ERICH1: variants seen among roughly 807,000 people sequenced by gnomAD.
ERICH1 encodes glutamate-rich protein 1.
A neutral mutation model predicts 39.6 loss-of-function variants in ERICH1; 56 were observed. The ratio of observed to expected loss-of-function variants is 1.41; its 90% CI spans 1.14 to 1.77. The LOEUF is 1.77. Ranked by LOEUF, ERICH1 falls within the 40% of genes most tolerant of loss-of-function variation. The pLI is 0.00. For synonymous variants in ERICH1, 313 were observed against 223.6 expected (o/e 1.40, Z -3.57); for missense variants, 826 against 575.4 (o/e 1.44, Z -4.45).
In ERICH1 at chr8:648,205, G is replaced by T. The variant is rs540424824; in HGVS notation, c.976+20393C>A. ...AATGCGTCCCCTCCCCAGAATGTCA[G>T]CCCCTTCACAGTGGGCTTCCCAGCA... On this transcript the variant is annotated intron_variant, in intron 3 of 3. Transcript: ENST00000522706. Among the ~76,000 whole-genome samples, 2 of 67,226 alleles carry T rather than the reference G, an allele frequency of 3.0e-5. 1 individual carries two copies. The highest frequency in any genetic ancestry group is 6.0e-4 in the East Asian group (2 of 3,320). 44.1% of individuals were successfully genotyped at this position (67,226 alleles called of 152,430 possible). A position where few individuals can be genotyped will look rare whatever the true frequency, so the allele number is the denominator to read the frequency against.
In ERICH1 at chr8:694,460, G is replaced by A. The variant is rs532741156; in HGVS notation, c.170-1848C>T. 1.1e-4 allele frequency among the ~76,000 whole-genome samples: 17 copies of A among 152,314 alleles called. 1 individual carries two copies. The highest frequency in any genetic ancestry group is 3.4e-3 in the Middle Eastern group (1 of 294). On this transcript the variant is annotated intron_variant, in intron 2 of 5. Transcript: ENST00000262109. ...TTCACTTAATCATTAGGATGGACAC[G>A]GGAGGGATCAGGGAACACTCAATGA...
intron 3 of ERICH1, among the ~76,000 whole-genome samples, chr8:682,957 C>G (rs1020480114): frequency 1.2e-4 from 19 of 152,344 alleles, no homozygotes; most frequent in African/African-American, 4.6e-4. Flanking sequence ...TCAAGTTGAT[C>G]TAAACCCTAC....
At chr8:617,210 T>G (rs908358702) in intron 3 of ERICH1, among the ~76,000 whole-genome samples, 1 of 152,104 alleles carries the variant, frequency 6.6e-6, no homozygotes, top group Non-Finnish European at 1.5e-5. Context: ...CACTGACGCC[T>G]TCATGAAGGG....
rs372780070 is a variant in ERICH1 at position 631,859 on chromosome 8, G to A, written c.977-16575C>T. Among the ~76,000 whole-genome samples, 287 of 151,992 alleles carry A rather than the reference G, an allele frequency of 1.9e-3. 2 individuals are homozygous for A. Among genetic ancestry groups the A allele is most frequent in the Middle Eastern group, 6.8e-3 (2 of 294 alleles). On this transcript the variant is annotated intron_variant, in intron 3 of 3. Transcript: ENST00000522706. ...TTGCAGGTGCCGCCCCCCGACCCCC[G>A]CCCCAGGCCTTTGCTCAGTCAATGC...
rs148179237 is a variant in ERICH1 at position 639,538 on chromosome 8, G to A, written c.977-24254C>T. ...AGCCACCAATCCAGTTAGCAGACAC[G>A]ACCGAGAACCCTGGATTCAGAAGCA... On this transcript the variant is annotated intron_variant, in intron 3 of 3. Coordinates refer to the ERICH1 transcript ENST00000522706. 9.5e-4 allele frequency among the ~76,000 whole-genome samples: 144 copies of A among 152,144 alleles called. 1 individual carries two copies. The highest frequency in any genetic ancestry group is 2.0e-3 in the African/African-American group (85 of 41,506).
chr8:704,123 C>A (rs988036748), intron 2 of ERICH1, among the ~76,000 whole-genome samples: 1 of 152,176 alleles, frequency 6.6e-6, no homozygotes, highest in Non-Finnish European at 1.5e-5. Flanking sequence ...GAATCCTACA[C>A]CCCGAAAAAC....
At chr8:618,041 G>A (rs2117009150) in intron 3 of ERICH1, among the ~76,000 whole-genome samples, 1 of 149,968 alleles carries the variant, frequency 6.7e-6, no homozygotes, top group Middle Eastern at 3.6e-3. Context: ...TGCCATATGA[G>A]TGCTCAATGC....
chr8:630,359 C>T (rs1299244998), intron 3 of ERICH1, among the ~76,000 whole-genome samples: 2 of 139,978 alleles, frequency 1.4e-5, no homozygotes, highest in African/African-American at 5.4e-5. Context: ...ATGGACAGAG[C>T]TGACTCACAC....
At chr8:651,818 T>C (rs1033332559) in intron 3 of ERICH1, among the ~76,000 whole-genome samples, 2 of 152,116 alleles carry the variant, frequency 1.3e-5, no homozygotes, top group Non-Finnish European at 2.9e-5. Context: ...CATTGTCAAC[T>C]CTACTCGGAA....
intron 1 of ERICH1, among the ~76,000 whole-genome samples, chr8:726,308 G>A (rs56948427): frequency 0.14 from 20,871 of 151,774 alleles, 1,930 homozygotes; most frequent in East Asian, 0.47. Flanking sequence ...GTACAAACAC[G>A]CCACACGCAG....
intron 5 of ERICH1, 169 bp downstream of exon 5, chr8:668,429 G>T (rs1371075876): frequency 3.1e-6 from 2 of 643,086 alleles, no homozygotes; most frequent in Admixed American, 5.7e-5. Context: ...TTTATATCAA[G>T]CAGAGATGCA....
chr8:622,259 G>T (rs2117038868), intron 3 of ERICH1, among the ~76,000 whole-genome samples: 2 of 152,216 alleles, frequency 1.3e-5, no homozygotes, highest in South Asian at 4.2e-4. Flanking sequence ...CCTTGCTATG[G>T]TCTGAATGTT....
At chr8:658,271 G>A (rs2131723617) in intron 3 of ERICH1, among the ~76,000 whole-genome samples, 1 of 152,272 alleles carries the variant, frequency 6.6e-6, no homozygotes, top group Middle Eastern at 3.4e-3. Flanking sequence ...CCAGGTGACT[G>A]GGGAGAGAGG....
intron 3 of ERICH1, among the ~76,000 whole-genome samples, chr8:629,324 C>T (rs946768888): frequency 3.3e-5 from 5 of 151,894 alleles, no homozygotes; most frequent in African/African-American, 9.7e-5. Context: ...CCCACAGAGA[C>T]AGAGCTGACT....
chr8:616,579 G>C (rs551217750), intron 3 of ERICH1: 3 of 455,922 alleles, frequency 6.6e-6, no homozygotes, highest in African/African-American at 4.0e-5. Flanking sequence ...GATCAAGTCA[G>C]GGCTGGAGAG....
intron 3 of ERICH1, among the ~76,000 whole-genome samples, chr8:635,375 G>C (rs1490850272): frequency 6.6e-6 from 1 of 152,212 alleles, no homozygotes; most frequent in African/African-American, 2.4e-5. Flanking sequence ...GGACCAGCCT[G>C]AGCTTCCCTC....
At position 673,942 on chromosome 8, in the gene ERICH1, T is replaced by C. The variant is rs776794558; in HGVS notation, c.410A>G (p.Glu137Gly). 2 of 1,611,976 alleles carry C rather than the reference T, an allele frequency of 1.2e-6. No homozygotes were observed. The highest frequency in any genetic ancestry group is 3.3e-5 in the Admixed American group (2 of 59,798). Reference protein sequence around the residue: ...NNVLIEQAELEKQQSLLQEKS... With the variant: ...NNVLIEQAELGKQQSLLQEKS... ...CTCCTGTAACAGACTCTGCTGTTTC[T>C]CTAATTCTGCTTGTTCTATAAGAAC... The change falls in exon 4 of 6, where the codon GAG (glutamate) becomes GGG (glycine). Residue 137 changes from glutamate to glycine, a missense_variant. Glu to Gly is a moderately conservative substitution (Grantham distance 98). Transcript: ENST00000262109.
At position 708,681 on chromosome 8, in the gene ERICH1, G is replaced by GTTTTTTTTTTTTTTTTTT. The variant is rs139731216; in HGVS notation, c.169+7162_169+7179dup. ...GGGCTGAGTGGTTACGGGATAATGA[G>GTTTTTTTTTTTTTTTTTT]TTTTTTTTTTTTTTTTTTTTTTTTT... On this transcript the variant is annotated intron_variant, in intron 2 of 5. Transcript: ENST00000262109. Among the ~76,000 whole-genome samples the GTTTTTTTTTTTTTTTTTT allele has an allele frequency of 1.2e-4, 8 of 65,768 alleles. 1 individual carries two copies. Among genetic ancestry groups the GTTTTTTTTTTTTTTTTTT allele is most frequent in the Admixed American group, 1.9e-4 (1 of 5,188 alleles). The allele number at this position is 65,768 out of a possible 152,430, so 43.1% of individuals were successfully genotyped here. A position where few individuals can be genotyped will look rare whatever the true frequency, so the allele number is the denominator to read the frequency against.
At chr8:707,972 T>C (rs1813694913) in intron 2 of ERICH1, among the ~76,000 whole-genome samples, 1 of 152,106 alleles carries the variant, frequency 6.6e-6, no homozygotes, top group Non-Finnish European at 1.5e-5. Flanking sequence ...CAATTAAAAC[T>C]GGGCAAAGGA....
Sources: gnomAD v4.1 joint callset for allele counts (sites outside exome capture counted in the v4.1 genomes callset) on GRCh38, gnomAD v4.1.1 for gene constraint, MANE v1.5 for transcripts, NCBI Gene and HGNC (gene_info 2026-07-23, HGNC 2026-07-21) for gene names.